FNDC4: variants seen among roughly 807,000 people sequenced by gnomAD.
FNDC4 encodes fibronectin type III domain-containing protein 4.
Under a neutral mutation model 25.1 loss-of-function variants are expected in FNDC4, and 11 were observed. The ratio of observed to expected loss-of-function variants is 0.44; its 90% confidence interval spans 0.28 to 0.73. The LOEUF is 0.73. Ranked by LOEUF, FNDC4 falls within the 30% of genes least tolerant of loss-of-function variation. The pLI is 0.16. For synonymous variants in FNDC4, 136 were observed against 118.8 expected (o/e 1.14, Z -0.94); for missense variants, 250 against 304.3 (o/e 0.82, Z 1.33).
intron 5 of FNDC4, among the ~76,000 whole-genome samples, chr2:27,493,185 G>A (rs1297581275): frequency 6.6e-6 from 1 of 151,810 alleles, no homozygotes; most frequent in African/African-American, 2.4e-5. Context: ...GCTAATTTTT[G>A]TATTTTTAGT....
At position 27,492,300 on chromosome 2, in the gene FNDC4, A is replaced by G. The variant is rs1185537552; in HGVS notation, c.*143T>C. The stretch of plus-strand genomic sequence containing the variant: ...TACCTTCTGGCTCTGCTCACAGTGG[A>G]AAGAGGATGGGTACCAGGCCTGAGA... On this transcript the variant is annotated 3_prime_UTR_variant, in exon 7 of 7. Coordinates refer to ENST00000264703, the MANE Select transcript of FNDC4 (RefSeq NM_022823.3). This position sits in a 1 kb window ranked among gnomAD's most constrained non-coding sequence, Gnocchi z 4.1. 2 of 1,017,226 alleles carry G rather than the reference A, an allele frequency of 2.0e-6. No individual in the cohort carries two copies. The highest frequency in any genetic ancestry group is 3.5e-5 in the Admixed American group (2 of 56,616). 63.0% of individuals were successfully genotyped at this position (1,017,226 alleles called of 1,614,324 possible).
At position 27,492,940 on chromosome 2, in the gene FNDC4, T is replaced by G; in HGVS notation, c.545-150A>C. 1.3e-6 allele frequency: 1 copy of G among 749,510 alleles called. No homozygotes were observed. Among genetic ancestry groups the G allele is most frequent in the Admixed American group, 2.2e-5 (1 of 44,628 alleles). 46.4% of individuals were successfully genotyped at this position (749,510 alleles called of 1,614,324 possible). A position where few individuals can be genotyped will look rare whatever the true frequency, so the allele number is the denominator to read the frequency against. The stretch of plus-strand genomic sequence containing the variant: ...TGGGCTCTCAACAGCCTCCTCTCCC[T>G]CTCTTCAAAGTTCAAATCATCCCTC... On this transcript the variant is annotated intron_variant, in intron 5 of 6. Coordinates refer to ENST00000264703, the MANE Select transcript of FNDC4 (RefSeq NM_022823.3). The surrounding 1 kb of genome is among the most constrained non-coding windows in gnomAD (Gnocchi z 4.1).
Position 27,494,839 on chromosome 2 carries a change from G to C in FNDC4, c.-25+39C>G, listed in dbSNP as rs1012347883. ...ACGCCCTCCCGCCCCCGCATTGCCCGGGCGGCCCCAGAGTGCGGTCCGCCC... is the reference window on the plus strand; with the variant it reads ...ACGCCCTCCCGCCCCCGCATTGCCCCGGCGGCCCCAGAGTGCGGTCCGCCC... On this transcript the variant is annotated intron_variant, in intron 1 of 6. Transcript: ENST00000264703. The surrounding 1 kb of genome is among the most constrained non-coding windows in gnomAD (Gnocchi z 4.6). 1.7e-6 allele frequency: 1 copy of C among 580,252 alleles called. No homozygotes were observed. The highest frequency in any genetic ancestry group is 3.0e-6 in the Non-Finnish European group (1 of 330,916). 35.9% of individuals were successfully genotyped at this position (580,252 alleles called of 1,614,324 possible). A position where few individuals can be genotyped will look rare whatever the true frequency, so the allele number is the denominator to read the frequency against.
At position 27,494,002 on chromosome 2, in the gene FNDC4, G is replaced by T; in HGVS notation, c.382C>A (p.Pro128Thr). The change falls in exon 4 of 7, where the codon CCC becomes ACC. Residue 128 changes from proline (P) to threonine (T), a missense_variant. By Grantham distance (38) the Pro-to-Thr change is conservative. Transcript: ENST00000264703. This position sits in a 1 kb window ranked among gnomAD's most constrained non-coding sequence, Gnocchi z 4.6. Reference sequence around the variant, plus strand: ...CGGAAGTGCACCCGGGGCCCTGGGGGACTCTCTCCCCGAAGGCCGATGCTC... The same window carrying T: ...CGGAAGTGCACCCGGGGCCCTGGGGTACTCTCTCCCCGAAGGCCGATGCTC... ...VRSIGLRGES[P>T]PGPRVHFRTL... 1.2e-6 allele frequency: 2 copies of T among 1,614,202 alleles called. No individual in the cohort carries two copies. The highest frequency in any genetic ancestry group is 1.7e-6 in the Non-Finnish European group (2 of 1,180,038).
In FNDC4 at chr2:27,493,443, G is replaced by C; in HGVS notation, c.490C>G (p.Pro164Ala). The C allele has an allele frequency of 6.2e-7, 1 of 1,613,982 alleles. No homozygotes were observed. The change falls in exon 5 of 7, where the codon CCA (proline) becomes GCA (alanine). Residue 164 changes from proline (P) to alanine (A), a missense_variant. Coordinates refer to ENST00000264703, the MANE Select transcript of FNDC4 (RefSeq NM_022823.3). The part of the protein sequence containing the change: ...ITVEGLDGER[P>A]LQTGEVVIIV... ...ATGACCACTTCCCCAGTCTGCAGTGGCCGCTCTCCATCCAGACCTTCCACT... is the reference window on the plus strand; with the variant it reads ...ATGACCACTTCCCCAGTCTGCAGTGCCCGCTCTCCATCCAGACCTTCCACT...
At position 27,492,429 on chromosome 2, in the gene FNDC4, G is replaced by C. The variant is rs755579173; in HGVS notation, c.*14C>G. 1 of 1,614,120 alleles carries C rather than the reference G, an allele frequency of 6.2e-7. No individual in the cohort carries two copies. Among genetic ancestry groups the C allele is most frequent in the East Asian group, 2.2e-5 (1 of 44,882 alleles). Reference sequence around the variant, plus strand: ...AGTTGTTAGTGCATCTCTCTTCTGGGTGTGTTTCTTCACTCAAACGTCGAT... The same window carrying C: ...AGTTGTTAGTGCATCTCTCTTCTGGCTGTGTTTCTTCACTCAAACGTCGAT... On this transcript the variant is annotated 3_prime_UTR_variant, in exon 7 of 7. Coordinates refer to ENST00000264703, the MANE Select transcript of FNDC4 (RefSeq NM_022823.3). The surrounding 1 kb of genome is among the most constrained non-coding windows in gnomAD (Gnocchi z 4.1).
In FNDC4 at chr2:27,492,705, C is replaced by T. The variant is rs1168718021; in HGVS notation, c.630G>A (p.Pro210=). The change falls in exon 6 of 7, where the codon CCG becomes CCA. Residue 210 remains proline, a synonymous_variant. Transcript: ENST00000264703. This position sits in a 1 kb window ranked among gnomAD's most constrained non-coding sequence, Gnocchi z 4.1. The part of the protein sequence containing the change: ...NNNPKEKGKG[P]EQSPQGRPVG... Reference sequence around the variant, plus strand: ...CTGGCCTTCCCTGAGGACTCTGTTCCGGCCCCTTTCCCTTCTCCTTGGGAT... The same window carrying T: ...CTGGCCTTCCCTGAGGACTCTGTTCTGGCCCCTTTCCCTTCTCCTTGGGAT... The T allele has an allele frequency of 6.2e-6, 10 of 1,614,096 alleles. No individual in the cohort carries two copies. Among genetic ancestry groups the T allele is most frequent in the Middle Eastern group, 1.6e-4 (1 of 6,062 alleles).
rs76143445 is a variant in FNDC4 at position 27,492,893 on chromosome 2, G to C, written c.545-103C>G. 1 of 1,388,018 alleles carries C rather than the reference G, an allele frequency of 7.2e-7. No homozygotes were observed. Among genetic ancestry groups the C allele is most frequent in the African/African-American group, 1.4e-5 (1 of 70,692 alleles). 86.0% of individuals were successfully genotyped at this position (1,388,018 alleles called of 1,614,324 possible). ...CCATGAAGAACATCCTGAATTCCTG[G>C]TGCCCATGCAGTCCTCCTCTCTGGG... is the stretch of plus-strand genomic sequence containing the variant. On this transcript the variant is annotated intron_variant, in intron 5 of 6. Transcript: ENST00000264703. This position sits in a 1 kb window ranked among gnomAD's most constrained non-coding sequence, Gnocchi z 4.1.
At chr2:27,493,809 G>A in intron 4 of FNDC4, 121 bp downstream of exon 4, 1 of 938,618 alleles carries the variant, frequency 1.1e-6, no homozygotes, top group Non-Finnish European at 1.7e-6. Flanking sequence ...TCCTTTCCTG[G>A]CAGTACAATG....
At position 27,494,226 on chromosome 2, in the gene FNDC4, G is replaced by A; in HGVS notation, c.250-92C>T. 1 of 1,424,256 alleles carries A rather than the reference G, an allele frequency of 7.0e-7. No homozygotes were observed. Among genetic ancestry groups the A allele is most frequent in the Non-Finnish European group, 9.8e-7 (1 of 1,023,840 alleles). The allele number at this position is 1,424,256 out of a possible 1,614,324, so 88.2% of individuals were successfully genotyped here. On this transcript the variant is annotated intron_variant, in intron 3 of 6. Coordinates refer to ENST00000264703, the MANE Select transcript of FNDC4 (RefSeq NM_022823.3). The surrounding 1 kb of genome is among the most constrained non-coding windows in gnomAD (Gnocchi z 4.6). ...GACTCTTCAACATCCAAGCACTCCG[G>A]GGGAGTAGCGTGAAAAGGGCAGCCT...
intron 4 of FNDC4, 73 bp downstream of exon 4, chr2:27,493,857 T>C (rs953299632): frequency 7.4e-7 from 1 of 1,356,604 alleles, no homozygotes; most frequent in South Asian, 1.2e-5. Context: ...AGTCTGTTGC[T>C]TGTCTTGGGG....
chr2:27,493,452 C>T lies in FNDC4; in HGVS notation c.481G>A (p.Gly161Arg). ...PGDITVEGLD[G>R]ERPLQTGEVV... ...TCCCCAGTCTGCAGTGGCCGCTCTC[C>T]ATCCAGACCTTCCACTGTGATGTCA... Residue 161 changes from glycine (G) to arginine (R), a missense_variant, in exon 5 of 7, where the codon GGA (glycine) becomes AGA (arginine). Physicochemically the swap from Gly to Arg is moderately radical, Grantham distance 125. Transcript: ENST00000264703. 1 of 1,613,918 alleles carries T rather than the reference C, an allele frequency of 6.2e-7. No homozygotes were observed. Among genetic ancestry groups the T allele is most frequent in the South Asian group, 1.1e-5 (1 of 91,070 alleles).
At position 27,492,615 on chromosome 2, in the gene FNDC4, G is replaced by A; in HGVS notation, c.669+51C>T. On this transcript the variant is annotated intron_variant, in intron 6 of 6. Transcript: ENST00000264703. The surrounding 1 kb of genome is among the most constrained non-coding windows in gnomAD (Gnocchi z 4.1). ...TTTGACCTTCTTCCTTTCCCTGGCT[G>A]CCCCTCAGGGGCAGAATCACCCTTT... 6.2e-7 allele frequency: 1 copy of A among 1,611,894 alleles called. No homozygotes were observed. Among genetic ancestry groups the A allele is most frequent in the Non-Finnish European group, 8.5e-7 (1 of 1,178,228 alleles).
At position 27,494,547 on chromosome 2, in the gene FNDC4, C is replaced by T; in HGVS notation, c.133G>A (p.Asp45Asn). The change falls in exon 2 of 7, where the codon GAC (aspartate) becomes AAC (asparagine). Residue 45 changes from aspartate (D) to asparagine (N), a missense_variant and splice_region_variant. Coordinates refer to ENST00000264703, the MANE Select transcript of FNDC4 (RefSeq NM_022823.3). This position sits in a 1 kb window ranked among gnomAD's most constrained non-coding sequence, Gnocchi z 4.6. ...CTCAGCCCCGTTCCCCTTTACTTAC[C>T]TGCTCGCACGAAGCCCAGGTCACAG... ...VSCDLGFVRA[D>N]RPPSPVNVTV... 6.2e-7 allele frequency: 1 copy of T among 1,612,546 alleles called. No individual in the cohort carries two copies. The highest frequency in any genetic ancestry group is 8.5e-7 in the Non-Finnish European group (1 of 1,179,382).
In FNDC4 at chr2:27,492,397, T is replaced by C; in HGVS notation, c.*46A>G. The C allele has an allele frequency of 6.2e-7, 1 of 1,612,984 alleles. No individual in the cohort carries two copies. The highest frequency in any genetic ancestry group is 8.5e-7 in the Non-Finnish European group (1 of 1,178,962). On this transcript the variant is annotated 3_prime_UTR_variant, in exon 7 of 7. Transcript: ENST00000264703. The surrounding 1 kb of genome is among the most constrained non-coding windows in gnomAD (Gnocchi z 4.1). Reference sequence around the variant, plus strand: ...CTTGGGCTCCCCCTGACCCCATCCCTATCCCCAGTTGTTAGTGCATCTCTC... The same window carrying C: ...CTTGGGCTCCCCCTGACCCCATCCCCATCCCCAGTTGTTAGTGCATCTCTC...
Position 27,494,500 on chromosome 2 carries a change from C to T in FNDC4, c.134-34G>A. 1 of 1,613,162 alleles carries T rather than the reference C, an allele frequency of 6.2e-7. No individual in the cohort carries two copies. Among genetic ancestry groups the T allele is most frequent in the South Asian group, 1.1e-5 (1 of 90,888 alleles). ...GCCAGGGTGTTTAACAGGTTTCACC[C>T]ATTGACTAGCTGTGGTTGACCCTCA... On this transcript the variant is annotated intron_variant, in intron 2 of 6. Coordinates refer to ENST00000264703, the MANE Select transcript of FNDC4 (RefSeq NM_022823.3). The surrounding 1 kb of genome is among the most constrained non-coding windows in gnomAD (Gnocchi z 4.6).
At chr2:27,493,341 C>T in intron 5 of FNDC4, 48 bp downstream of exon 5, 1 of 1,479,394 alleles carries the variant, frequency 6.8e-7, no homozygotes, top group Middle Eastern at 1.7e-4. Context: ...CCTTTGCCAC[C>T]TCACACCTTT....
chr2:27,493,501 G>A, intron 4 of FNDC4, 23 bp from the exon 5 acceptor site: 2 of 1,576,896 alleles, frequency 1.3e-6, no homozygotes, highest in South Asian at 1.1e-5. Context: ...AAGGCAGAAG[G>A]CAGACTCCAG....
Position 27,494,778 on chromosome 2 carries a change from G to A in FNDC4, c.-24-75C>T. On this transcript the variant is annotated intron_variant, in intron 1 of 6. Transcript: ENST00000264703. The surrounding 1 kb of genome is among the most constrained non-coding windows in gnomAD (Gnocchi z 4.6). ...GAGGTCGGGGGGCAGCAGCTCTCCTGGGCTCCCCACAGCTCACAACAGCCC... is the reference window on the plus strand; with the variant it reads ...GAGGTCGGGGGGCAGCAGCTCTCCTAGGCTCCCCACAGCTCACAACAGCCC... The A allele has an allele frequency of 4.5e-6, 3 of 667,730 alleles. No homozygotes were observed. The highest frequency in any genetic ancestry group is 3.8e-5 in the South Asian group (2 of 52,342). 41.4% of individuals were successfully genotyped at this position (667,730 alleles called of 1,614,324 possible). A position where few individuals can be genotyped will look rare whatever the true frequency, so the allele number is the denominator to read the frequency against.
Sources: allele counts gnomAD v4.1 joint callset (sites outside exome capture counted in the v4.1 genomes callset), GRCh38; gene constraint gnomAD v4.1.1; non-coding constraint Gnocchi (gnomAD v3.1); transcripts MANE v1.5; gene names NCBI Gene and HGNC (gene_info 2026-07-23, HGNC 2026-07-21).